MED23: variants seen among roughly 807,000 people sequenced by gnomAD.
MED23 encodes the protein mediator complex subunit 23.
A neutral mutation model predicts 163.9 loss-of-function variants in MED23; 105 were observed. The observed-to-expected ratio is 0.64, with a 90% CI of 0.55 to 0.75. MED23 has a LOEUF of 0.75. Among genes scored for constraint, MED23 ranks in the 30% least tolerant of loss-of-function variants. The pLI, the probability that MED23 is intolerant of heterozygous loss-of-function variation, is 0.00. For missense variants in MED23, 1,054 were observed against 1,649.0 expected (o/e 0.64, Z 6.25); for synonymous variants, 561 against 565.6 (o/e 0.99, Z 0.12).
At position 131,628,014 on chromosome 6, in the gene MED23, C is replaced by CACCT; in HGVS notation, c.32_35dup (p.Val13GlyfsTer20). ...GATGGCCGGCAGCTGCACTCACCACCACCTCTTCGAAAATGCTCTGCAGTT... is the reference window on the plus strand; with the variant it reads ...GATGGCCGGCAGCTGCACTCACCACCACCTACCTCTTCGAAAATGCTCTGCAGTT... On this transcript the variant is annotated frameshift_variant, in exon 1 of 29. Coordinates refer to ENST00000368068, the MANE Select transcript of MED23 (RefSeq NM_004830.4). LOFTEE classifies it high-confidence loss of function. The CACCT allele has an allele frequency of 1.2e-6, 2 of 1,614,070 alleles. No individual in the cohort carries two copies. Among genetic ancestry groups the CACCT allele is most frequent in the Non-Finnish European group, 1.7e-6 (2 of 1,180,032 alleles).
At chr6:131,627,186 A>G in intron 3 of MED23, 1 of 581,464 alleles carries the variant, frequency 1.7e-6, no homozygotes, top group Non-Finnish European at 3.0e-6. Flanking sequence ...CACACTGTGC[A>G]GTATCAACTT....
chr6:131,624,414 G>A (rs943664370), intron 4 of MED23, among the ~76,000 whole-genome samples: 4 of 152,188 alleles, frequency 2.6e-5, no homozygotes, highest in Admixed American at 6.5e-5. Context: ...CCAGATGACA[G>A]CCAGGAATCA....
rs1344413075 is a variant in MED23 at position 131,627,636 on chromosome 6, C to G, written c.71+5G>C. 1 of 1,611,866 alleles carries G rather than the reference C, an allele frequency of 6.2e-7. No individual in the cohort carries two copies. Among genetic ancestry groups the G allele is most frequent in the Non-Finnish European group, 8.5e-7 (1 of 1,179,022 alleles). On this transcript the variant is annotated splice_donor_5th_base_variant and intron_variant, in intron 2 of 28. Transcript: ENST00000368068. ...AACACAAAACTCTGCCACGCATACA[C>G]TCACCCAGGAAAAGCCTCTTCTATA...
chr6:131,587,978 C>T, intron 28 of MED23, 132 bp from the exon 29 acceptor site: 2 of 751,958 alleles, frequency 2.7e-6, no homozygotes, highest in Non-Finnish European at 2.2e-6. Context: ...AGTTTCTTAA[C>T]ATGTTCTGTG....
intron 10 of MED23, among the ~76,000 whole-genome samples, chr6:131,610,848 T>C (rs1052083684): frequency 2.0e-5 from 3 of 152,134 alleles, no homozygotes; most frequent in African/African-American, 7.2e-5. Context: ...GGAAAAAAAA[T>C]TGATCTCTCT....
chr6:131,583,196 G>A, downstream of MED23: 1 of 1,602,078 alleles, frequency 6.2e-7, no homozygotes, highest in Non-Finnish European at 8.6e-7. Context: ...ACACATGTGT[G>A]TGCAACAGAA....
At chr6:131,584,046 T>C (rs1419278786), downstream of MED23, 2 of 942,990 alleles carry the variant, frequency 2.1e-6, no homozygotes, top group African/African-American at 3.3e-5. Flanking sequence ...ACTCTACAAA[T>C]TCCCTCTTGG....
chr6:131,597,243 G>C (rs769573236), intron 20 of MED23, among the ~76,000 whole-genome samples: 2 of 151,916 alleles, frequency 1.3e-5, no homozygotes, highest in Non-Finnish European at 2.9e-5. Context: ...TTCGGAGGCC[G>C]AGGCGGGCAG....
Position 131,605,456 on chromosome 6 carries a change from C to T in MED23, c.1397G>A (p.Ser466Asn). 6.2e-7 allele frequency: 1 copy of T among 1,604,220 alleles called. No individual in the cohort carries two copies. The highest frequency in any genetic ancestry group is 8.5e-7 in the Non-Finnish European group (1 of 1,174,340). The change falls in exon 14 of 29, where the codon AGT (serine) becomes AAT (asparagine). Residue 466 changes from serine to asparagine, a missense_variant. Physicochemically the swap from Ser to Asn is conservative, Grantham distance 46 (BLOSUM62 1). Around this residue, in one of 11 missense-constraint regions of MED23, gnomAD observed 39 missense variants for 50.5 expected, o/e 0.77. Transcript: ENST00000368068. ...EFLQQSLRNK[S>N]LQMNDYKIAL... ...AATCTTATAGTCATTCATCTGTAAA[C>T]TTTTATTTCTTAGACTCTGCTGCAG...
At chr6:131,611,985 T>C (rs945675158) in intron 10 of MED23, among the ~76,000 whole-genome samples, 3 of 152,118 alleles carry the variant, frequency 2.0e-5, no homozygotes, top group Admixed American at 6.5e-5. Context: ...TTAATGATTT[T>C]AAAAGGAAAG....
downstream of MED23, chr6:131,583,115 C>T: frequency 6.2e-7 from 1 of 1,613,922 alleles, no homozygotes; most frequent in Non-Finnish European, 8.5e-7. Context: ...AGTGGACAGA[C>T]TAGGAATTGG....
At chr6:131,588,908 A>G (rs1200075167) in intron 28 of MED23, among the ~76,000 whole-genome samples, 1 of 152,220 alleles carries the variant, frequency 6.6e-6, no homozygotes, top group Non-Finnish European at 1.5e-5. Context: ...GAACGAATCT[A>G]ATACCTATTC....
intron 27 of MED23, 91 bp from the exon 28 acceptor site, chr6:131,589,687 C>A: frequency 8.5e-7 from 1 of 1,178,040 alleles, no homozygotes; most frequent in East Asian, 2.4e-5. Context: ...ACACTAGCAC[C>A]GGGGGATACT....
chr6:131,594,270 A>T lies in MED23; in HGVS notation c.3061T>A (p.Phe1021Ile). The change falls in exon 23 of 29, where the codon TTT becomes ATT. Residue 1021 changes from phenylalanine to isoleucine, a missense_variant. This residue lies in a region of MED23 where 362 missense variants were observed against 471.6 expected (regional missense o/e 0.77). Transcript: ENST00000368068. ...GCATGGACGAGTTTTCGTTTGAGAA[A>T]TGCGCGGTCTCTCAGGTGCATTTCA... is the stretch of plus-strand genomic sequence containing the variant. ...YYEMHLRDRAFLKRKLVHAII... is the reference protein window; with the variant it reads ...YYEMHLRDRAILKRKLVHAII... 1 of 1,614,172 alleles carries T rather than the reference A, an allele frequency of 6.2e-7. No individual in the cohort carries two copies. The highest frequency in any genetic ancestry group is 8.5e-7 in the Non-Finnish European group (1 of 1,180,012).
chr6:131,583,851 C>A, downstream of MED23: 1 of 1,614,104 alleles, frequency 6.2e-7, no homozygotes, highest in East Asian at 2.2e-5. Flanking sequence ...TGGCTTGTTT[C>A]GGACTTGCTC....
At chr6:131,626,864 CT>C (rs1431570711) in intron 3 of MED23, 1 of 156,016 alleles carries the variant, frequency 6.4e-6, no homozygotes, top group East Asian at 1.9e-4. Flanking sequence ...AATGTGAGCT[CT>C]TCGAGGATGA....
chr6:131,600,415 C>T (rs1413776345), intron 17 of MED23, among the ~76,000 whole-genome samples: 2 of 152,088 alleles, frequency 1.3e-5, no homozygotes, highest in African/African-American at 4.8e-5. Context: ...TTTGAGGTTA[C>T]AGAGTACCAG....
At chr6:131,627,349 A>C in intron 3 of MED23, 47 bp downstream of exon 3, 3 of 1,364,236 alleles carry the variant, frequency 2.2e-6, no homozygotes, top group Non-Finnish European at 3.1e-6. Flanking sequence ...AAAAAAAAGA[A>C]GAGGCCAAAA....
intron 25 of MED23, among the ~76,000 whole-genome samples, chr6:131,592,153 G>A (rs959960749): frequency 2.0e-5 from 3 of 152,186 alleles, no homozygotes; most frequent in African/African-American, 7.2e-5. Context: ...ACCAGAAAAT[G>A]CAGAGACCCG....
Sources: gnomAD v4.1 joint callset for allele counts (sites outside exome capture counted in the v4.1 genomes callset) on GRCh38, gnomAD v4.1.1 for gene constraint, gnomAD v4.1.1 regional missense constraint, MANE v1.5 for transcripts, NCBI Gene and HGNC (gene_info 2026-07-23, HGNC 2026-07-21) for gene names.